Variants in PPP3R1 observed in about 807,000 individuals in gnomAD.
The protein encoded by PPP3R1 is protein phosphatase 3 regulatory subunit B, alpha.
A neutral mutation model predicts 22.6 loss-of-function variants in PPP3R1; 5 were observed. The observed-to-expected ratio is 0.22, with a 90% CI of 0.12 to 0.46. The LOEUF is 0.46. Ranked by LOEUF, PPP3R1 falls within the 20% of genes least tolerant of loss-of-function variation. PPP3R1 has a pLI of 0.99. For synonymous variants in PPP3R1, 56 were observed against 65.2 expected (o/e 0.86, Z 0.68); for missense variants, 61 against 203.2 (o/e 0.30, Z 4.25).
intron 1 of PPP3R1, among the ~76,000 whole-genome samples, chr2:68,223,631 C>A (rs1669728687): frequency 6.6e-6 from 1 of 151,996 alleles, no homozygotes; most frequent in Admixed American, 6.6e-5. Flanking sequence ...ATAAAAGCAT[C>A]TGACAAATTG....
rs565361925 is a variant in PPP3R1, at chr2:68,217,647, A to G, written c.4-516T>C. On this transcript the variant is annotated intron_variant, in intron 1 of 5. Coordinates refer to ENST00000234310, the MANE Select transcript of PPP3R1 (RefSeq NM_000945.4). ...TATGCTGAGCAACTAAAATAAGAAA[A>G]ACATTAATGGAAAGGTGAGTCTAAC... 8.5e-5 allele frequency among the ~76,000 whole-genome samples: 13 copies of G among 152,262 alleles called. 1 individual carries two copies. In the East Asian group the frequency reaches 2.3e-3, roughly 27 times the overall value.
At chr2:68,251,576 G>A (rs954253056) in intron 1 of PPP3R1, among the ~76,000 whole-genome samples, 7 of 152,210 alleles carry the variant, frequency 4.6e-5, no homozygotes, top group African/African-American at 1.7e-4. Flanking sequence ...GAGGGGAAGT[G>A]AGTGGCAGGG....
At chr2:68,251,863 G>A (rs1308131280) in intron 1 of PPP3R1, among the ~76,000 whole-genome samples, 4 of 146,166 alleles carry the variant, frequency 2.7e-5, no homozygotes, top group African/African-American at 7.4e-5. Flanking sequence ...GGGGTGGGGC[G>A]ACGGCGGGGC....
chr2:68,195,766 G>A (rs1388197662), intron 2 of PPP3R1, among the ~76,000 whole-genome samples: 3 of 152,070 alleles, frequency 2.0e-5, no homozygotes, highest in Admixed American at 2.0e-4. Flanking sequence ...ATGGACTCAT[G>A]AGTATTTTAG....
At chr2:68,231,303 A>G (rs1403331363) in intron 1 of PPP3R1, among the ~76,000 whole-genome samples, 1 of 147,270 alleles carries the variant, frequency 6.8e-6, no homozygotes, top group Non-Finnish European at 1.5e-5. Context: ...TATATTTTTC[A>G]GTTCTAAAAT....
chr2:68,196,977 G>A (rs542479264), intron 2 of PPP3R1, among the ~76,000 whole-genome samples: 2 of 152,180 alleles, frequency 1.3e-5, no homozygotes, highest in South Asian at 4.1e-4. Context: ...TGCCCACCTT[G>A]GCCTCCCAAA....
intron 1 of PPP3R1, among the ~76,000 whole-genome samples, chr2:68,220,705 C>T (rs750409287): frequency 3.3e-5 from 5 of 151,936 alleles, no homozygotes; most frequent in East Asian, 1.9e-4. Context: ...CATAATAGGA[C>T]GCTATAAAAT....
chr2:68,218,322 GC>G (rs1230286471), intron 1 of PPP3R1, among the ~76,000 whole-genome samples: 1 of 151,988 alleles, frequency 6.6e-6, no homozygotes, highest in Non-Finnish European at 1.5e-5. Context: ...AAACTTAAAG[GC>G]TAATCAGTAA....
intron 3 of PPP3R1, among the ~76,000 whole-genome samples, chr2:68,187,936 G>A (rs1674582168): frequency 6.6e-6 from 1 of 152,112 alleles, no homozygotes; most frequent in South Asian, 2.1e-4. Flanking sequence ...GGGAGGTTGA[G>A]GCACGTGGAT....
intron 1 of PPP3R1, among the ~76,000 whole-genome samples, chr2:68,245,581 A>G (rs1175100008): frequency 1.3e-5 from 2 of 152,156 alleles, no homozygotes; most frequent in Non-Finnish European, 2.9e-5. Flanking sequence ...ATCCTTCATG[A>G]CTGTTTCCTC....
chr2:68,196,756 ACT>A lies in PPP3R1; in HGVS notation c.44-8068_44-8067del, dbSNP rs576109391. ...CTATTTTTTTTTTTAATGGAGACTC[ACT>A]CTGTCACCCAGGCAGGAGGGCAGTG... On this transcript the variant is annotated intron_variant, in intron 2 of 5. Transcript: ENST00000234310. 1.2e-4 allele frequency among the ~76,000 whole-genome samples: 19 copies of A among 152,032 alleles called. No individual in the cohort carries two copies. The South Asian group carries it at 3.5e-3, about 28-fold the overall frequency.
Position 68,180,850 on chromosome 2 carries a change from A to G in PPP3R1, c.*113T>C. 1 of 1,115,176 alleles carries G rather than the reference A, an allele frequency of 9.0e-7. No homozygotes were observed. The highest frequency in any genetic ancestry group is 1.3e-6 in the Non-Finnish European group (1 of 767,426). 69.1% of individuals were successfully genotyped at this position (1,115,176 alleles called of 1,614,324 possible). On this transcript the variant is annotated 3_prime_UTR_variant, in exon 6 of 6. Coordinates refer to ENST00000234310, the MANE Select transcript of PPP3R1 (RefSeq NM_000945.4). ...GGCTCATGTTGGAAAATGTGGCTTC[A>G]CAGAGAAAAATACTTCCATTTAAAT...
chr2:68,223,806 CA>C (rs79743936), intron 1 of PPP3R1, among the ~76,000 whole-genome samples: 1,384 of 58,486 alleles, frequency 0.024, 13 homozygotes, highest in African/African-American at 0.062. Flanking sequence ...AAAGGGAAGA[CA>C]AAAAAAAAAA....
intron 1 of PPP3R1, among the ~76,000 whole-genome samples, chr2:68,238,226 T>A (rs968864134): frequency 3.3e-5 from 5 of 150,912 alleles, no homozygotes; most frequent in African/African-American, 7.3e-5. Flanking sequence ...AAAAAAAAAA[T>A]GCATCCACTG....
At chr2:68,243,009 A>C (rs1047891332) in intron 1 of PPP3R1, among the ~76,000 whole-genome samples, 1 of 152,208 alleles carries the variant, frequency 6.6e-6, no homozygotes, top group Non-Finnish European at 1.5e-5. Flanking sequence ...TGATTTTACC[A>C]ACACCAGAAA....
chr2:68,239,995 G>A (rs1202432308), intron 1 of PPP3R1, among the ~76,000 whole-genome samples: 1 of 152,182 alleles, frequency 6.6e-6, no homozygotes, highest in Non-Finnish European at 1.5e-5. Flanking sequence ...CAGGCTTTGT[G>A]TTATCTATTT....
Position 68,198,924 on chromosome 2 carries a change from T to C in PPP3R1, c.44-10234A>G, listed in dbSNP as rs115455943. ...ACTTATACCTGAGTATTTTACAATT[T>C]TACTCTATTATGCATGGTACTTGTC... On this transcript the variant is annotated intron_variant, in intron 2 of 5. Transcript: ENST00000234310. 3.1e-3 allele frequency among the ~76,000 whole-genome samples: 479 copies of C among 152,324 alleles called. 2 individuals carry two copies. Among genetic ancestry groups the C allele is most frequent in the Non-Finnish European group, 4.5e-3 (308 of 68,024 alleles).
intron 2 of PPP3R1, among the ~76,000 whole-genome samples, chr2:68,211,339 G>A (rs943329161): frequency 1.4e-5 from 2 of 144,954 alleles, no homozygotes; most frequent in Non-Finnish European, 3.0e-5. Context: ...CCTGGGAGGC[G>A]GAGCTTGCAG....
intron 2 of PPP3R1, among the ~76,000 whole-genome samples, chr2:68,203,489 T>C (rs1675030098): frequency 6.6e-6 from 1 of 151,928 alleles, no homozygotes; most frequent in Non-Finnish European, 1.5e-5. Flanking sequence ...TAATCCCAGC[T>C]ACTCGGGAGG....
Sources: gnomAD v4.1 joint callset for allele counts (sites outside exome capture counted in the v4.1 genomes callset) on GRCh38, gnomAD v4.1.1 for gene constraint, MANE v1.5 for transcripts, NCBI Gene and HGNC (gene_info 2026-07-23, HGNC 2026-07-21) for gene names.